SORBS2: variants seen among roughly 807,000 people sequenced by gnomAD.
SORBS2 encodes sorbin and SH3 domain containing 2.
A neutral mutation model predicts 97.7 loss-of-function variants in SORBS2; 46 were observed. The observed-to-expected ratio is 0.47, with a 90% CI of 0.37 to 0.60. The LOEUF (loss-of-function observed/expected upper bound fraction) is 0.60. Ranked by LOEUF, SORBS2 falls within the 20% of genes least tolerant of loss-of-function variation. The pLI, the probability that SORBS2 is intolerant of heterozygous loss-of-function variation, is 0.00. For missense variants in SORBS2, 1,316 were observed against 1,282.3 expected (o/e 1.03, Z -0.40); for synonymous variants, 476 against 473.4 (o/e 1.01, Z -0.07).
intron 1 of SORBS2, chr4:185,918,130 C>T (rs1249884233): frequency 6.6e-6 from 1 of 151,916 alleles, no homozygotes; most frequent in Non-Finnish European, 1.5e-5. Flanking sequence ...ACTCAAAATA[C>T]TTGTTAGAAA....
intron 1 of SORBS2, among the ~76,000 whole-genome samples, chr4:185,887,733 C>A (rs1189977428): frequency 2.0e-5 from 3 of 152,110 alleles, no homozygotes; most frequent in Non-Finnish European, 4.4e-5. Context: ...CTATAGGAAA[C>A]TATTCTTCAA....
At chr4:185,591,268 G>C (rs2095925900) in intron 13 of SORBS2, among the ~76,000 whole-genome samples, 1 of 152,140 alleles carries the variant, frequency 6.6e-6, no homozygotes, top group South Asian at 2.1e-4. Context: ...TTCAACATTA[G>C]AGGCTTCTTC....
intron 1 of SORBS2, among the ~76,000 whole-genome samples, chr4:185,920,762 A>G (rs754376456): frequency 1.3e-5 from 2 of 152,250 alleles, no homozygotes; most frequent in Non-Finnish European, 2.9e-5. Context: ...ATTGAGATTT[A>G]ATAAAATTAA....
At chr4:185,788,112 G>C (rs1561031134) in intron 1 of SORBS2, among the ~76,000 whole-genome samples, 1 of 152,224 alleles carries the variant, frequency 6.6e-6, no homozygotes, top group African/African-American at 2.4e-5. Context: ...TCCAGCGCCA[G>C]CTGCTGCTTT....
upstream of SORBS2, among the ~76,000 whole-genome samples, chr4:185,661,136 T>C (rs1486020211): frequency 6.6e-6 from 1 of 151,630 alleles, no homozygotes. Flanking sequence ...ATTAGCTGGG[T>C]GCGGTGGCGG....
At chr4:185,728,458 T>C (rs2098581558) in intron 2 of SORBS2, among the ~76,000 whole-genome samples, 1 of 152,192 alleles carries the variant, frequency 6.6e-6, no homozygotes, top group Admixed American at 6.5e-5. Flanking sequence ...TCTCTTATGC[T>C]CTGGATGAAA....
chr4:185,694,706 C>CTTTTTTTTTTTTTTTTTTTTT lies in SORBS2; in HGVS notation c.-197-15885_-197-15884insAAAAAAAAAAAAAAAAAAAAA, dbSNP rs1200094039. Among the ~76,000 whole-genome samples, 103 of 124,196 alleles carry CTTTTTTTTTTTTTTTTTTTTT rather than the reference C, an allele frequency of 8.3e-4. 8 individuals are homozygous for CTTTTTTTTTTTTTTTTTTTTT. The highest frequency in any genetic ancestry group is 2.8e-3 in the African/African-American group (94 of 33,796). 81.5% of individuals were successfully genotyped at this position (124,196 alleles called of 152,430 possible). On this transcript the variant is annotated intron_variant, in intron 2 of 20. Coordinates refer to the SORBS2 transcript ENST00000284776. ...TTTCTTTTTCTTTTTCCTTTTCTTT[C>CTTTTTTTTTTTTTTTTTTTTT]TTTTCTTTTCTTTTTTTTGAGACGG...
intron 4 of SORBS2, among the ~76,000 whole-genome samples, chr4:185,633,666 G>A (rs192728671): frequency 6.6e-6 from 1 of 152,090 alleles, no homozygotes; most frequent in Admixed American, 6.5e-5. Context: ...TATCTTGGAA[G>A]TGCTGAAAAG....
intron 2 of SORBS2, among the ~76,000 whole-genome samples, chr4:185,735,956 C>A (rs1439132862): frequency 1.3e-5 from 2 of 152,220 alleles, no homozygotes; most frequent in Non-Finnish European, 1.5e-5. Flanking sequence ...ACAGCAAGCT[C>A]TTTTCCAAGT....
At chr4:185,910,187 A>G (rs62336465) in intron 1 of SORBS2, among the ~76,000 whole-genome samples, 60,795 of 151,770 alleles carry the variant, frequency 0.4, 12,769 homozygotes, top group Middle Eastern at 0.5. Flanking sequence ...AGAATAAAGG[A>G]CACTACAAGT....
exon 1 of SORBS2, chr4:185,656,699 G>A (rs973682011): frequency 3.9e-6 from 6 of 1,548,688 alleles, no homozygotes; most frequent in Admixed American, 3.9e-5. Context: ...GACTTGGTCA[G>A]CCAGCTGCTG....
At chr4:185,741,637 TAC>T (rs1377101176) in intron 2 of SORBS2, among the ~76,000 whole-genome samples, 2 of 152,110 alleles carry the variant, frequency 1.3e-5, no homozygotes, top group Non-Finnish European at 2.9e-5. Context: ...GTGCTGGGAT[TAC>T]AGGCGTGAGC....
chr4:185,702,831 C>T (rs1156583347), intron 2 of SORBS2, among the ~76,000 whole-genome samples: 1 of 151,912 alleles, frequency 6.6e-6, no homozygotes, highest in Non-Finnish European at 1.5e-5. Flanking sequence ...TGAAATTTTG[C>T]TAAATCTAGG....
intron 1 of SORBS2, among the ~76,000 whole-genome samples, chr4:185,864,832 A>G (rs1184721900): frequency 2.0e-5 from 3 of 151,998 alleles, no homozygotes; most frequent in Non-Finnish European, 4.4e-5. Flanking sequence ...GAATTGCTTG[A>G]ACCCAGGAGG....
intron 4 of SORBS2, among the ~76,000 whole-genome samples, chr4:185,675,938 CAATT>C (rs2097784016): frequency 6.6e-6 from 1 of 152,034 alleles, no homozygotes; most frequent in African/African-American, 2.4e-5. Context: ...ATCTTGGTGT[CAATT>C]AGTTATCTTT....
intron 4 of SORBS2, among the ~76,000 whole-genome samples, chr4:185,666,714 T>C (rs530419191): frequency 6.6e-6 from 1 of 152,330 alleles, no homozygotes; most frequent in African/African-American, 2.4e-5. Context: ...GAAAAGATGT[T>C]TTATTTCCTT....
chr4:185,886,579 G>GAAAAGA (rs1554046529), intron 1 of SORBS2, among the ~76,000 whole-genome samples: 1 of 127,912 alleles, frequency 7.8e-6, no homozygotes, highest in Non-Finnish European at 1.7e-5. Context: ...AAAAAGAAAA[G>GAAAAGA]AAAAAAAAAA....
At chr4:185,808,211 A>C (rs1423389412) in intron 1 of SORBS2, among the ~76,000 whole-genome samples, 1 of 152,190 alleles carries the variant, frequency 6.6e-6, no homozygotes, top group East Asian at 1.9e-4. Context: ...TAGAAAACTC[A>C]ATGCTGGAAT....
intron 12 of SORBS2, among the ~76,000 whole-genome samples, chr4:185,608,669 A>G (rs943364020): frequency 1.3e-5 from 2 of 152,234 alleles, no homozygotes; most frequent in Non-Finnish European, 1.5e-5. Flanking sequence ...ATGTAGTTCC[A>G]GAAGTGCCAC....
Sources: allele counts gnomAD v4.1 joint callset (sites outside exome capture counted in the v4.1 genomes callset), GRCh38; gene constraint gnomAD v4.1.1; transcripts MANE v1.5; gene names NCBI Gene and HGNC (gene_info 2026-07-23, HGNC 2026-07-21).